The following RPH3AL variants were observed in gnomAD, a reference collection of about 807,000 sequenced individuals.
RPH3AL encodes the protein rab effector Noc2.
A neutral mutation model predicts 43.1 loss-of-function variants in RPH3AL; 38 were observed. The observed-to-expected ratio is 0.88, with a 90% CI of 0.68 to 1.15. The LOEUF is 1.15. Ranked by LOEUF, RPH3AL falls within the 50% of genes most tolerant of loss-of-function variation. RPH3AL has a pLI of 0.00. For missense variants in RPH3AL, 462 were observed against 423.2 expected (o/e 1.09, Z -0.81); for synonymous variants, 189 against 176.3 (o/e 1.07, Z -0.57).
At chr17:326,000 A>C (rs11654775) in intron 3 of RPH3AL, among the ~76,000 whole-genome samples, 18,967 of 152,244 alleles carry the variant, frequency 0.12, 1,541 homozygotes, top group African/African-American at 0.22. Context: ...TGCTGCTGAG[A>C]GAGAGAGAAG....
At chr17:232,935 CCCTGGGACTACAGAAT>C (rs2041265560) in intron 7 of RPH3AL, among the ~76,000 whole-genome samples, 1 of 150,278 alleles carries the variant, frequency 6.7e-6, no homozygotes. Flanking sequence ...ACTTCCAGCT[CCCTGGGACTACAGAAT>C]CCATGCAGGG....
intron 8 of RPH3AL, among the ~76,000 whole-genome samples, chr17:217,094 GCAC>G: frequency 2.2e-5 from 3 of 137,996 alleles, no homozygotes; most frequent in Non-Finnish European, 3.1e-5. Context: ...CCCTTCTTCT[GCAC>G]TAAAATTGGC....
At chr17:315,588 C>G (rs71355215) in intron 5 of RPH3AL, among the ~76,000 whole-genome samples, 228 of 138,134 alleles carry the variant, frequency 1.7e-3, no homozygotes, top group Admixed American at 3.2e-3. Context: ...ACCTGTAGTC[C>G]CTGTGCTCCA....
chr17:283,651 C>G lies in RPH3AL; in HGVS notation c.352-1797G>C, dbSNP rs1245121505. ...TGCTGGCCTTCTTGCTTCCCAAGCT[C>G]TCATGACCCCATGAGAGGGAGTGGG... is the stretch of plus-strand genomic sequence containing the variant. On this transcript the variant is annotated intron_variant, in intron 5 of 9. Transcript: ENST00000331302. The surrounding 1 kb of genome is among the most constrained non-coding windows in gnomAD (Gnocchi z 4.2). 6.6e-6 allele frequency among the ~76,000 whole-genome samples: 1 copy of G among 152,096 alleles called. No individual in the cohort carries two copies. The highest frequency in any genetic ancestry group is 1.5e-5 in the Non-Finnish European group (1 of 68,004).
chr17:333,409 A>C lies in RPH3AL; in HGVS notation c.-37+350T>G. Reference sequence around the variant, plus strand: ...ACCTTCCAACTTTTCCTGGGCATTTATGTACAAATTGTAATAAAATTGGGT... The same window carrying C: ...ACCTTCCAACTTTTCCTGGGCATTTCTGTACAAATTGTAATAAAATTGGGT... On this transcript the variant is annotated intron_variant, in intron 2 of 9. Coordinates refer to ENST00000331302, the MANE Select transcript of RPH3AL (RefSeq NM_006987.4). This position sits in a 1 kb window ranked among gnomAD's most constrained non-coding sequence, Gnocchi z 4.5. 1.3e-6 allele frequency: 1 copy of C among 765,286 alleles called. No individual in the cohort carries two copies. The highest frequency in any genetic ancestry group is 1.7e-5 in the South Asian group (1 of 60,468). 47.4% of individuals were successfully genotyped at this position (765,286 alleles called of 1,614,324 possible). A position where few individuals can be genotyped will look rare whatever the true frequency, so the allele number is the denominator to read the frequency against.
chr17:219,548 G>GTTTTT, intron 8 of RPH3AL, 75 bp downstream of exon 8: 3 of 92,070 alleles, frequency 3.3e-5, no homozygotes, highest in African/African-American at 3.5e-4. Context: ...TTTTTGAGAT[G>GTTTTT]GAGTTTCGCT....
chr17:345,731 G>C (rs1317624140), intron 1 of RPH3AL, among the ~76,000 whole-genome samples: 1 of 117,938 alleles, frequency 8.5e-6, no homozygotes, highest in Admixed American at 8.0e-5. Context: ...TACCCTACTG[G>C]GGCACGCGTG....
At chr17:270,861 C>T (rs1331145655) in intron 6 of RPH3AL, among the ~76,000 whole-genome samples, 1 of 152,082 alleles carries the variant, frequency 6.6e-6, no homozygotes, top group Non-Finnish European at 1.5e-5. Context: ...ATGCCTATGT[C>T]CTGAATGGTA....
In RPH3AL at chr17:212,847, C is replaced by G. The variant is rs1012866651; in HGVS notation, c.*1005G>C. On this transcript the variant is annotated 3_prime_UTR_variant, in exon 10 of 10. Transcript: ENST00000331302. The stretch of plus-strand genomic sequence containing the variant: ...GAGCCACGTGCCCTGGCTGGGGATG[C>G]ACCTGAACGCTGCTCTTCAGCAAGT... 2 of 151,972 alleles carry G rather than the reference C, an allele frequency of 1.3e-5. No homozygotes were observed. Among genetic ancestry groups the G allele is most frequent in the Non-Finnish European group, 2.9e-5 (2 of 68,010 alleles). The allele number at this position is 151,972 out of a possible 1,614,324, so 9.4% of individuals were successfully genotyped here.
At chr17:227,933 C>T (rs542974331) in intron 7 of RPH3AL, among the ~76,000 whole-genome samples, 1 of 152,256 alleles carries the variant, frequency 6.6e-6, no homozygotes, top group South Asian at 2.1e-4. Flanking sequence ...GGAGTGTAGA[C>T]ACTCCCAATT....
At chr17:221,462 A>G (rs1555530969) in intron 7 of RPH3AL, among the ~76,000 whole-genome samples, 4 of 96,202 alleles carry the variant, frequency 4.2e-5, no homozygotes, top group Admixed American at 2.9e-4. Flanking sequence ...TGAGGCCTCC[A>G]CTCACTGAGA....
chr17:229,456 G>C (rs906484425), intron 7 of RPH3AL, among the ~76,000 whole-genome samples: 10 of 152,242 alleles, frequency 6.6e-5, no homozygotes, highest in African/African-American at 1.9e-4. Flanking sequence ...GGGCCACAGA[G>C]GGAAAGGAGA....
chr17:259,708 C>T (rs572737313), intron 6 of RPH3AL, among the ~76,000 whole-genome samples: 11 of 152,358 alleles, frequency 7.2e-5, no homozygotes, highest in East Asian at 1.9e-4. Flanking sequence ...CCACAGCCGC[C>T]GTGGCGGTGG....
intron 6 of RPH3AL, among the ~76,000 whole-genome samples, chr17:258,762 T>G (rs1362087269): frequency 1.0e-4 from 15 of 149,408 alleles, no homozygotes; most frequent in South Asian, 2.2e-4. Context: ...AACCCGTTTT[T>G]TTTTTTTTTT....
At chr17:324,771 G>C (rs1024351380) in intron 3 of RPH3AL, among the ~76,000 whole-genome samples, 1 of 150,254 alleles carries the variant, frequency 6.7e-6, no homozygotes, top group Non-Finnish European at 1.5e-5. Context: ...TGTCGCCCAG[G>C]CTGGAGTGCA....
intron 5 of RPH3AL, among the ~76,000 whole-genome samples, chr17:292,829 G>A (rs2043077845): frequency 6.6e-6 from 1 of 152,334 alleles, no homozygotes; most frequent in East Asian, 1.9e-4. Context: ...GCAGCGCTGG[G>A]AGCACGCCGA....
chr17:339,631 C>T (rs908062176), intron 1 of RPH3AL: 1 of 152,236 alleles, frequency 6.6e-6, no homozygotes, highest in Non-Finnish European at 1.5e-5. Context: ...TGCCCAAGGC[C>T]CCATAAGCTG....
At chr17:336,005 G>C (rs1416715615) in intron 1 of RPH3AL, 1 of 45,168 alleles carries the variant, frequency 2.2e-5, no homozygotes, top group Non-Finnish European at 5.7e-5. Context: ...CATCCCACTG[G>C]GCGCTGTGCC....
At position 245,596 on chromosome 17, in the gene RPH3AL, G is replaced by A. The variant is rs1245611443; in HGVS notation, c.613+1515C>T. Among the ~76,000 whole-genome samples the A allele has an allele frequency of 6.6e-6, 1 of 152,120 alleles. No homozygotes were observed. Among genetic ancestry groups the A allele is most frequent in the African/African-American group, 2.4e-5 (1 of 41,404 alleles). On this transcript the variant is annotated intron_variant, in intron 7 of 9. Transcript: ENST00000331302. This position sits in a 1 kb window ranked among gnomAD's most constrained non-coding sequence, Gnocchi z 5.9. ...TCTCCGGCTCAACTGGCTCCAAGCA[G>A]CATTTTAAACCCACAGGTGTCCACC...
Sources: gnomAD v4.1 joint callset for allele counts (sites outside exome capture counted in the v4.1 genomes callset) on GRCh38, gnomAD v4.1.1 for gene constraint, Gnocchi (gnomAD v3.1) non-coding constraint, MANE v1.5 for transcripts, NCBI Gene and HGNC (gene_info 2026-07-23, HGNC 2026-07-21) for gene names.